LRFN2: variants seen among roughly 807,000 people sequenced by gnomAD.
The protein encoded by LRFN2 is leucine rich repeat and fibronectin type III domain containing 2.
LRFN2 carries 18 observed loss-of-function variants against 37.3 expected under a neutral mutation model. The observed-to-expected ratio is 0.48, with a 90% confidence interval of 0.33 to 0.72. LRFN2 has a LOEUF of 0.72. LRFN2 is among the 30% of genes least tolerant of loss of function. The pLI is 0.02. For synonymous variants in LRFN2, 556 were observed against 466.6 expected, an observed-to-expected ratio of 1.19 and a Z score of -2.47; for missense variants, 1,006 against 1,060.7, an observed-to-expected ratio of 0.95 and a Z score of 0.72.
intron 1 of LRFN2, among the ~76,000 whole-genome samples, chr6:40,565,837 T>G (rs1339348506): frequency 2.0e-5 from 3 of 151,966 alleles, no homozygotes; most frequent in Admixed American, 2.0e-4. Context: ...AAGGACTTCA[T>G]GTCTAAAACA....
chr6:40,517,849 C>A (rs1020712568), intron 1 of LRFN2, among the ~76,000 whole-genome samples: 1 of 152,080 alleles, frequency 6.6e-6, no homozygotes, highest in Non-Finnish European at 1.5e-5. Context: ...TCCATTAGTA[C>A]GGACAATTTG....
At chr6:40,454,031 G>T (rs914313890) in intron 1 of LRFN2, among the ~76,000 whole-genome samples, 7 of 152,180 alleles carry the variant, frequency 4.6e-5, no homozygotes, top group Non-Finnish European at 1.0e-4. Flanking sequence ...TGGGTTCCCT[G>T]AAGTGGGGTC....
intron 1 of LRFN2, among the ~76,000 whole-genome samples, chr6:40,581,394 A>G (rs985896989): frequency 6.6e-5 from 10 of 152,192 alleles, no homozygotes; most frequent in African/African-American, 2.2e-4. Flanking sequence ...CCAAAGTCAC[A>G]CAGCAAGTTA....
At chr6:40,487,596 T>C (rs1039548568) in intron 1 of LRFN2, among the ~76,000 whole-genome samples, 2 of 152,264 alleles carry the variant, frequency 1.3e-5, no homozygotes, top group Admixed American at 6.5e-5. Context: ...GCATGGCCTC[T>C]GGCTTTTGGA....
At chr6:40,510,444 A>C (rs1765674302) in intron 1 of LRFN2, among the ~76,000 whole-genome samples, 4 of 152,230 alleles carry the variant, frequency 2.6e-5, no homozygotes, top group Admixed American at 2.0e-4. Flanking sequence ...CTCAGCCTTC[A>C]GGAAGCTGAG....
intron 1 of LRFN2, among the ~76,000 whole-genome samples, chr6:40,540,409 T>G (rs1210784554): frequency 6.6e-6 from 1 of 152,088 alleles, no homozygotes; most frequent in Non-Finnish European, 1.5e-5. Flanking sequence ...CATCAGGGTG[T>G]CTTCCTTTGA....
At chr6:40,393,136 G>A (rs962681858) in intron 2 of LRFN2, among the ~76,000 whole-genome samples, 20 of 151,286 alleles carry the variant, frequency 1.3e-4, no homozygotes, top group African/African-American at 4.4e-4. Context: ...GGAGAGGGGA[G>A]GAGGGAGGGG....
intron 1 of LRFN2, among the ~76,000 whole-genome samples, chr6:40,525,660 C>A (rs1766231858): frequency 6.6e-6 from 1 of 152,198 alleles, no homozygotes. Context: ...CTTTGCCCCT[C>A]AGTTCCTGTG....
Position 40,455,607 on chromosome 6 carries a change from C to T in LRFN2, c.-18-22476G>A, listed in dbSNP as rs141894197. 5.3e-5 allele frequency among the ~76,000 whole-genome samples: 8 copies of T among 152,356 alleles called. No homozygotes were observed. In the East Asian group the frequency reaches 1.5e-3, roughly 29 times the overall value. ...CCAGCAATTATCCCAGCTTTATTCA[C>T]TCTAAAGGACTGTGCAAACCTGAGG... On this transcript the variant is annotated intron_variant, in intron 1 of 2. Coordinates refer to ENST00000338305, the MANE Select transcript of LRFN2 (RefSeq NM_020737.3).
At chr6:40,424,221 A>T (rs1044596530) in intron 2 of LRFN2, among the ~76,000 whole-genome samples, 5 of 152,120 alleles carry the variant, frequency 3.3e-5, no homozygotes, top group African/African-American at 1.2e-4. Context: ...TGTTTCCCCA[A>T]CATTGCTGGA....
intron 1 of LRFN2, among the ~76,000 whole-genome samples, chr6:40,445,267 C>T (rs538987297): frequency 2.0e-5 from 3 of 152,268 alleles, no homozygotes; most frequent in African/African-American, 7.2e-5. Context: ...TACCATCTGC[C>T]GATTTTATAA....
chr6:40,561,719 T>C (rs1766997799), intron 1 of LRFN2, among the ~76,000 whole-genome samples: 1 of 152,142 alleles, frequency 6.6e-6, no homozygotes, highest in Non-Finnish European at 1.5e-5. Flanking sequence ...TTTTAGATAC[T>C]AGAAAAACAG....
intron 1 of LRFN2, among the ~76,000 whole-genome samples, chr6:40,456,612 T>C (rs1210069220): frequency 2.0e-5 from 3 of 152,216 alleles, no homozygotes; most frequent in African/African-American, 4.8e-5. Context: ...AAAGCTGGCA[T>C]ATTGGTTGGC....
chr6:40,572,797 TG>T (rs1245362788), intron 1 of LRFN2, among the ~76,000 whole-genome samples: 1 of 152,152 alleles, frequency 6.6e-6, no homozygotes, highest in Non-Finnish European at 1.5e-5. Context: ...CAGAGAACCC[TG>T]GGGCTGCTGG....
At chr6:40,465,429 G>C (rs1764437119) in intron 1 of LRFN2, among the ~76,000 whole-genome samples, 1 of 152,192 alleles carries the variant, frequency 6.6e-6, no homozygotes, top group Admixed American at 6.5e-5. Context: ...GTTCAAATCA[G>C]TGACTTGCTT....
chr6:40,550,124 G>A (rs950587745), intron 1 of LRFN2, among the ~76,000 whole-genome samples: 4 of 152,132 alleles, frequency 2.6e-5, no homozygotes, highest in Admixed American at 6.6e-5. Flanking sequence ...GTGCAGCTGC[G>A]GCACAGCCAG....
intron 1 of LRFN2, among the ~76,000 whole-genome samples, chr6:40,447,911 C>A (rs1198058249): frequency 6.6e-6 from 1 of 152,154 alleles, no homozygotes; most frequent in Non-Finnish European, 1.5e-5. Context: ...TAGAATCAAC[C>A]AACAAAATGT....
intron 1 of LRFN2, among the ~76,000 whole-genome samples, chr6:40,586,201 C>T (rs1337598194): frequency 1.3e-5 from 2 of 152,174 alleles, no homozygotes; most frequent in East Asian, 3.9e-4. Context: ...CACCTCGGAA[C>T]GGTCTACTGC....
At chr6:40,542,026 C>T (rs1581786623) in intron 1 of LRFN2, among the ~76,000 whole-genome samples, 2 of 152,382 alleles carry the variant, frequency 1.3e-5, no homozygotes, top group East Asian at 3.9e-4. Flanking sequence ...TCCTCCCAGC[C>T]ACCTGGAGAG....
Sources: allele counts gnomAD v4.1 joint callset (sites outside exome capture counted in the v4.1 genomes callset), GRCh38; gene constraint gnomAD v4.1.1; transcripts MANE v1.5; gene names NCBI Gene and HGNC (gene_info 2026-07-23, HGNC 2026-07-21).